VWF: variants seen among roughly 807,000 people sequenced by gnomAD.
VWF encodes Factor VIII related antigen.
Under a neutral mutation model 308.6 loss-of-function variants are expected in VWF, and 176 were observed. The ratio of observed to expected loss-of-function variants is 0.57; its 90% CI spans 0.50 to 0.65. The LOEUF (loss-of-function observed/expected upper bound fraction) is 0.65, where lower values mean the gene tolerates loss of function less well. Among genes scored for constraint, VWF ranks in the 30% least tolerant of loss-of-function variants. The pLI is 0.00. For missense variants in VWF, 3,146 were observed against 3,648.2 expected, an observed-to-expected ratio of 0.86 and a Z score of 3.55; for synonymous variants, 1,385 against 1,443.4, an observed-to-expected ratio of 0.96 and a Z score of 0.92.
chr12:6,102,344 A>T (rs1945173032), intron 5 of VWF, among the ~76,000 whole-genome samples: 2 of 152,332 alleles, frequency 1.3e-5, no homozygotes, highest in African/African-American at 4.8e-5. Context: ...CCAGAGGCTG[A>T]GGCAGGAGAA....
intron 18 of VWF, among the ~76,000 whole-genome samples, chr12:6,040,073 G>A (rs2136435783): frequency 6.6e-6 from 1 of 152,286 alleles, no homozygotes; most frequent in Middle Eastern, 3.4e-3. Flanking sequence ...CCTCCCGTGT[G>A]ATAGAAGGGG....
intron 5 of VWF, among the ~76,000 whole-genome samples, chr12:6,108,334 T>TATACACGCACACAC: frequency 8.1e-6 from 1 of 124,194 alleles, no homozygotes; most frequent in East Asian, 2.3e-4. Flanking sequence ...AAGAAATATA[T>TATACACGCACACAC]ACACACACAC....
intron 34 of VWF, among the ~76,000 whole-genome samples, chr12:6,004,535 T>C (rs935274449): frequency 1.3e-5 from 2 of 152,000 alleles, no homozygotes; most frequent in African/African-American, 4.8e-5. Flanking sequence ...ATTAATGGAA[T>C]TATACAAGAG....
intron 19 of VWF, among the ~76,000 whole-genome samples, chr12:6,035,065 A>G (rs1232978889): frequency 1.3e-5 from 2 of 152,192 alleles, no homozygotes; most frequent in African/African-American, 4.8e-5. Flanking sequence ...GAGGCAAAGA[A>G]GGGAAGGGGT....
Position 5,952,533 on chromosome 12 carries a change from G to A in VWF, c.7987-14C>T. The A allele has an allele frequency of 6.2e-7, 1 of 1,612,852 alleles. No individual in the cohort carries two copies. The highest frequency in any genetic ancestry group is 1.1e-5 in the South Asian group (1 of 90,934). On this transcript the variant is annotated splice_polypyrimidine_tract_variant and intron_variant, in intron 48 of 51. Coordinates refer to ENST00000261405, the MANE Select transcript of VWF (RefSeq NM_000552.5). ...CGTCTCATCACGCTGGAAGGAAAGA[G>A]GAGTGGGTAAAGTCAGAGACAGTGT...
At chr12:5,961,313 T>G (rs540767313) in intron 47 of VWF, among the ~76,000 whole-genome samples, 1 of 152,306 alleles carries the variant, frequency 6.6e-6, no homozygotes, top group Non-Finnish European at 1.5e-5. Flanking sequence ...ATGGAAAAAC[T>G]GTCTTCCACG....
intron 11 of VWF, among the ~76,000 whole-genome samples, chr12:6,064,636 C>T (rs1565849858): frequency 1.3e-5 from 2 of 152,212 alleles, no homozygotes; most frequent in South Asian, 2.1e-4. Flanking sequence ...GAACCATGGG[C>T]CTCTGCTTCA....
chr12:6,033,084 C>T (rs950130673), intron 20 of VWF, among the ~76,000 whole-genome samples: 1 of 152,208 alleles, frequency 6.6e-6, no homozygotes, highest in African/African-American at 2.4e-5. Context: ...CCATACAACA[C>T]ACACAATCTG....
chr12:5,953,036 G>C (rs1457339543), intron 48 of VWF, among the ~76,000 whole-genome samples: 1 of 152,124 alleles, frequency 6.6e-6, no homozygotes, highest in Non-Finnish European at 1.5e-5. Flanking sequence ...AGACCATCCT[G>C]GCCAACATGA....
In VWF at chr12:5,983,134, T is replaced by A. The variant is rs752883686; in HGVS notation, c.7081+16A>T. 1.9e-6 allele frequency: 3 copies of A among 1,611,900 alleles called. No homozygotes were observed. Among genetic ancestry groups the A allele is most frequent in the East Asian group, 2.2e-5 (1 of 44,816 alleles). ...AGAGAGGCCACACCACCCCTCCTCATCCACAGAGGCCTTACCGCAGGTGAA... is the reference window on the plus strand; with the variant it reads ...AGAGAGGCCACACCACCCCTCCTCAACCACAGAGGCCTTACCGCAGGTGAA... On this transcript the variant is annotated intron_variant, in intron 41 of 51. Transcript: ENST00000261405.
Position 6,058,093 on chromosome 12 carries a change from G to C in VWF, c.1534-49C>G, listed in dbSNP as rs774216084. The C allele has an allele frequency of 6.2e-7, 1 of 1,604,926 alleles. No individual in the cohort carries two copies. Among genetic ancestry groups the C allele is most frequent in the Admixed American group, 1.7e-5 (1 of 59,176 alleles). ...TGGAGCCGCTGCCGCGAAAGCAGCG[G>C]CATAGTTGTTTAGCTAATGAGATGG... On this transcript the variant is annotated intron_variant, in intron 13 of 51. Coordinates refer to ENST00000261405, the MANE Select transcript of VWF (RefSeq NM_000552.5). The surrounding 1 kb of genome is among the most constrained non-coding windows in gnomAD (Gnocchi z 4.9).
intron 6 of VWF, among the ~76,000 whole-genome samples, chr12:6,085,753 C>T (rs187771498): frequency 0.014 from 2,139 of 151,430 alleles, 53 homozygotes; most frequent in African/African-American, 0.049. Context: ...AAGGAGAGAG[C>T]GAGCATTAGG....
Position 6,121,325 on chromosome 12 carries a change from T to G in VWF, c.69A>C (p.Ala23=), listed in dbSNP as rs1441701004. The change falls in exon 3 of 52, where the codon GCA becomes GCC. Residue 23 remains alanine (A), a synonymous_variant. Coordinates refer to ENST00000261405, the MANE Select transcript of VWF (RefSeq NM_000552.5). ...LALILPGTLC[A]EGTRGRSSTA... is the part of the protein sequence containing the mutation. ...TGGATGACCTGCCGCGAGTTCCTTC[T>G]GCACAAAGGGTCCCTGGAGGGAGAG... The G allele has an allele frequency of 6.2e-7, 1 of 1,614,126 alleles. No homozygotes were observed. Among genetic ancestry groups the G allele is most frequent in the East Asian group, 2.2e-5 (1 of 44,866 alleles).
At chr12:6,115,884 G>A (rs946033796) in intron 3 of VWF, among the ~76,000 whole-genome samples, 1 of 151,862 alleles carries the variant, frequency 6.6e-6, no homozygotes, top group African/African-American at 2.4e-5. Flanking sequence ...GAGAACCCCT[G>A]GTTTCCACTG....
chr12:5,957,644 T>C (rs1384324594), intron 47 of VWF, among the ~76,000 whole-genome samples: 2 of 140,988 alleles, frequency 1.4e-5, no homozygotes, highest in Non-Finnish European at 3.0e-5. Flanking sequence ...AACAAACCCG[T>C]CAACCTAGAA....
chr12:5,994,310 G>T, intron 36 of VWF, 105 bp downstream of exon 36: 6 of 1,588,576 alleles, frequency 3.8e-6, no homozygotes, highest in Non-Finnish European at 5.2e-6. Flanking sequence ...TCTGACCCTC[G>T]CTACTAGACC....
intron 7 of VWF, among the ~76,000 whole-genome samples, chr12:6,074,507 A>C (rs1264196282): frequency 6.6e-6 from 1 of 151,752 alleles, no homozygotes; most frequent in Non-Finnish European, 1.5e-5. Context: ...AAAAAAAAAA[A>C]AAACAGCCAC....
chr12:6,036,871 C>T (rs1398065181), intron 18 of VWF, among the ~76,000 whole-genome samples: 1 of 152,090 alleles, frequency 6.6e-6, no homozygotes, highest in Non-Finnish European at 1.5e-5. Context: ...CTAGCCATCC[C>T]AAGGAAAGGA....
chr12:6,118,690 C>T (rs935361443), intron 3 of VWF, among the ~76,000 whole-genome samples: 4 of 152,066 alleles, frequency 2.6e-5, no homozygotes, highest in South Asian at 4.1e-4. Context: ...CCCGTGCACC[C>T]GGCCTCTTCC....
Sources: allele counts gnomAD v4.1 joint callset (sites outside exome capture counted in the v4.1 genomes callset), GRCh38; gene constraint gnomAD v4.1.1; non-coding constraint Gnocchi (gnomAD v3.1); transcripts MANE v1.5; gene names NCBI Gene and HGNC (gene_info 2026-07-23, HGNC 2026-07-21).